ROBO1: variants seen among roughly 807,000 people sequenced by gnomAD.
The protein encoded by ROBO1 is roundabout homolog 1.
ROBO1 carries 149 observed loss-of-function variants against 195.9 expected under a neutral mutation model. The ratio of observed to expected loss-of-function variants is 0.76; its 90% CI spans 0.67 to 0.87. The LOEUF (loss-of-function observed/expected upper bound fraction) is 0.87, where lower values mean the gene tolerates loss of function less well. Among genes scored for constraint, ROBO1 ranks in the 40% least tolerant of loss-of-function variants. The probability of loss-of-function intolerance (pLI) is 0.00; values close to 1 mark genes in which losing one functional copy is unlikely to be tolerated. For missense variants in ROBO1, 1,933 were observed against 2,068.3 expected (o/e 0.93, Z 1.27); for synonymous variants, 816 against 733.2 (o/e 1.11, Z -1.82).
At chr3:79,426,750 A>T (rs2038462938) in intron 2 of ROBO1, among the ~76,000 whole-genome samples, 1 of 152,134 alleles carries the variant, frequency 6.6e-6, no homozygotes, top group African/African-American at 2.4e-5. Context: ...CTTTGAATTC[A>T]ACTAAATGAC....
At chr3:79,599,339 G>A (rs1169302831) in intron 1 of ROBO1, among the ~76,000 whole-genome samples, 1 of 151,972 alleles carries the variant, frequency 6.6e-6, no homozygotes, top group African/African-American at 2.4e-5. Context: ...ATAATTGTAT[G>A]ACTTCTGGAT....
chr3:79,187,548 C>T (rs1445351440), intron 2 of ROBO1, among the ~76,000 whole-genome samples: 3 of 151,946 alleles, frequency 2.0e-5, no homozygotes, highest in African/African-American at 4.8e-5. Context: ...CTGAATAATT[C>T]AGTCACTCGA....
chr3:78,696,277 C>T (rs1277492890), intron 8 of ROBO1, among the ~76,000 whole-genome samples: 1 of 152,164 alleles, frequency 6.6e-6, no homozygotes, highest in Non-Finnish European at 1.5e-5. Flanking sequence ...GCACCTGTGT[C>T]CCAAGTCCCT....
chr3:79,253,866 A>C (rs2082777395), intron 2 of ROBO1, among the ~76,000 whole-genome samples: 1 of 152,190 alleles, frequency 6.6e-6, no homozygotes, highest in South Asian at 2.1e-4. Context: ...GGATTTTTTC[A>C]AGTGATTAAA....
Position 79,422,200 on chromosome 3 carries a change from TATC to T in ROBO1, c.88+167621_88+167623del, listed in dbSNP as rs1287611359. The stretch of plus-strand genomic sequence containing the variant: ...ATTATATATTATATTATATATTTTG[TATC>T]ATATTATATATTTTATGTATCATTA... On this transcript the variant is annotated intron_variant, in intron 2 of 30. Coordinates refer to ENST00000464233, the MANE Select transcript of ROBO1 (RefSeq NM_002941.4). Among the ~76,000 whole-genome samples, 10 of 148,570 alleles carry T rather than the reference TATC, an allele frequency of 6.7e-5. No individual in the cohort carries two copies. The East Asian group carries it at 1.6e-3, about 23-fold the overall frequency.
At chr3:79,609,793 T>C (rs1944598236) in intron 1 of ROBO1, among the ~76,000 whole-genome samples, 1 of 151,578 alleles carries the variant, frequency 6.6e-6, no homozygotes, top group Non-Finnish European at 1.5e-5. Flanking sequence ...GTGTTTCAGA[T>C]AGTCAAATTT....
At chr3:79,056,489 C>T (rs999285902) in intron 3 of ROBO1, among the ~76,000 whole-genome samples, 6 of 152,100 alleles carry the variant, frequency 3.9e-5, no homozygotes, top group Non-Finnish European at 7.4e-5. Context: ...GAAGGGTGGT[C>T]GATAAACAAC....
At chr3:79,025,629 A>T (rs2078189629) in intron 3 of ROBO1, among the ~76,000 whole-genome samples, 1 of 81,454 alleles carries the variant, frequency 1.2e-5, no homozygotes, top group Non-Finnish European at 2.4e-5. Flanking sequence ...TCAACCACTT[A>T]TCTACTTCAA....
At chr3:79,445,249 CATATATTACTGAAT>C (rs1388942261) in intron 2 of ROBO1, among the ~76,000 whole-genome samples, 1 of 151,592 alleles carries the variant, frequency 6.6e-6, no homozygotes, top group African/African-American at 2.4e-5. Flanking sequence ...CACACCAATG[CATATATTACTGAAT>C]ATATACATAT....
rs56267632 is a variant in ROBO1, at chr3:78,712,017, CAAAAAAAAAAAA to C, written c.1045+2368_1045+2379del. On this transcript the variant is annotated intron_variant, in intron 8 of 30. Transcript: ENST00000464233. ...ATTTGGGATTACAAGAAGACCTTGG[CAAAAAAAAAAAA>C]AAAAAAAAAAAAAAAAAAAAACTCT... Among the ~76,000 whole-genome samples, 10 of 76,458 alleles carry C rather than the reference CAAAAAAAAAAAA, an allele frequency of 1.3e-4. No homozygotes were observed. In the East Asian group the frequency reaches 1.4e-3, roughly 10 times the overall value. 50.2% of individuals were successfully genotyped at this position (76,458 alleles called of 152,430 possible). A position where few individuals can be genotyped will look rare whatever the true frequency, so the allele number is the denominator to read the frequency against.
At chr3:78,902,614 C>T (rs959498506) in intron 4 of ROBO1, among the ~76,000 whole-genome samples, 5 of 151,832 alleles carry the variant, frequency 3.3e-5, no homozygotes, top group Admixed American at 2.6e-4. Context: ...TTTGAGAGGC[C>T]GGTGGATCAC....
At chr3:79,569,663 GTGTGTGTGTGTATATA>G (rs1434249674) in intron 2 of ROBO1, among the ~76,000 whole-genome samples, 39 of 144,004 alleles carry the variant, frequency 2.7e-4, no homozygotes, top group Non-Finnish European at 4.1e-4. Flanking sequence ...GTGTGTGTGT[GTGTGTGTGTGTATATA>G]TGTGTGTGTG....
At chr3:79,700,551 C>T (rs929601977) in intron 1 of ROBO1, among the ~76,000 whole-genome samples, 3 of 151,594 alleles carry the variant, frequency 2.0e-5, no homozygotes, top group East Asian at 3.9e-4. Context: ...TGTTGTTTGG[C>T]TTTTTAGTAG....
At chr3:79,066,663 C>T (rs561611919) in intron 3 of ROBO1, among the ~76,000 whole-genome samples, 3 of 151,778 alleles carry the variant, frequency 2.0e-5, no homozygotes, top group Non-Finnish European at 2.9e-5. Context: ...AGGAGGTTCC[C>T]GCTTACCATT....
intron 3 of ROBO1, among the ~76,000 whole-genome samples, chr3:79,077,050 T>A (rs2108450849): frequency 6.6e-6 from 1 of 152,010 alleles, no homozygotes. Flanking sequence ...TGTGGTGACT[T>A]GGTATATGTA....
At chr3:79,085,802 A>G (rs1439152640) in intron 3 of ROBO1, among the ~76,000 whole-genome samples, 2 of 152,182 alleles carry the variant, frequency 1.3e-5, no homozygotes, top group African/African-American at 4.8e-5. Flanking sequence ...TTTAAAGATA[A>G]AAGTTTAGAT....
At chr3:78,672,650 G>A (rs1011493211) in intron 10 of ROBO1, among the ~76,000 whole-genome samples, 8 of 150,572 alleles carry the variant, frequency 5.3e-5, no homozygotes, top group Admixed American at 2.0e-4. Context: ...GCAATTTGAT[G>A]TTTCCAGGTA....
intron 3 of ROBO1, among the ~76,000 whole-genome samples, chr3:79,112,689 T>C (rs1264949498): frequency 1.3e-5 from 2 of 148,712 alleles, no homozygotes; most frequent in South Asian, 2.1e-4. Flanking sequence ...TTCTCACTCA[T>C]AGGTGGGAAT....
chr3:79,652,475 A>AT (rs1449669470), intron 1 of ROBO1, among the ~76,000 whole-genome samples: 1 of 152,048 alleles, frequency 6.6e-6, no homozygotes, highest in East Asian at 1.9e-4. Context: ...GCTTTTGGGA[A>AT]TTTTGCATTG....
Sources: allele counts gnomAD v4.1 joint callset (sites outside exome capture counted in the v4.1 genomes callset), GRCh38; gene constraint gnomAD v4.1.1; transcripts MANE v1.5; gene names NCBI Gene and HGNC (gene_info 2026-07-23, HGNC 2026-07-21).